The following RPN1 variants were observed in gnomAD, a reference collection of about 807,000 sequenced individuals.
RPN1 encodes ribophorin I.
Under a neutral mutation model 55.5 loss-of-function variants are expected in RPN1, and 12 were observed. The ratio of observed to expected loss-of-function variants is 0.22; its 90% CI spans 0.14 to 0.35. RPN1 has a LOEUF of 0.35. RPN1 is among the 10% of genes least tolerant of loss of function. The pLI, the probability that RPN1 is intolerant of heterozygous loss-of-function variation, is 1.00. For synonymous variants in RPN1, 317 were observed against 305.9 expected (o/e 1.04, Z -0.38); for missense variants, 679 against 761.3 (o/e 0.89, Z 1.27).
chr3:128,627,153 T>C, intron 5 of RPN1: 4 of 332,674 alleles, frequency 1.2e-5, no homozygotes, highest in Non-Finnish European at 1.8e-5. Context: ...CGGGATTCCC[T>C]AGAGAGCACA....
At chr3:128,628,707 C>T (rs908412163) in intron 5 of RPN1, among the ~76,000 whole-genome samples, 6 of 151,204 alleles carry the variant, frequency 4.0e-5, no homozygotes, top group Non-Finnish European at 8.9e-5. Context: ...ACAGGCCTGG[C>T]ACAGTGGCTT....
At chr3:128,645,337 G>A (rs2069758683) in intron 1 of RPN1, among the ~76,000 whole-genome samples, 1 of 152,016 alleles carries the variant, frequency 6.6e-6, no homozygotes, top group Non-Finnish European at 1.5e-5. Flanking sequence ...AGGCATGGTG[G>A]CACATGCCTG....
intron 4 of RPN1, among the ~76,000 whole-genome samples, chr3:128,631,650 A>T (rs1403906039): frequency 1.3e-5 from 2 of 151,960 alleles, no homozygotes; most frequent in African/African-American, 4.8e-5. Flanking sequence ...TCTGAGGCAG[A>T]AGAATCACTT....
In RPN1 at chr3:128,630,062, C is replaced by G; in HGVS notation, c.925G>C (p.Asp309His). Residue 309 changes from aspartate to histidine, a missense_variant, in exon 5 of 10, where the codon GAT becomes CAT. Physicochemically the swap from Asp to His is moderately conservative, Grantham distance 81. Coordinates refer to ENST00000296255, the MANE Select transcript of RPN1 (RefSeq NM_002950.4). ...NVSTSHLLIL[D>H]DSVEMEIRPR... The stretch of plus-strand genomic sequence containing the variant: ...CGGATTTCCATCTCTACAGAGTCAT[C>G]CAAAATAAGGAGGTGGCTGGTAGAA... 6.2e-7 allele frequency: 1 copy of G among 1,613,278 alleles called. No homozygotes were observed. Among genetic ancestry groups the G allele is most frequent in the South Asian group, 1.1e-5 (1 of 91,060 alleles).
intron 5 of RPN1, chr3:128,627,094 A>G: frequency 2.3e-6 from 1 of 440,728 alleles, no homozygotes; most frequent in South Asian, 2.4e-5. Flanking sequence ...GAGAGAAGAA[A>G]CAGGGCAACT....
Position 128,620,432 on chromosome 3 carries a change from G to A in RPN1, c.1803C>T (p.Asp601=), listed in dbSNP as rs2069550589. Residue 601 remains aspartate, a synonymous_variant, in exon 10 of 10, where the codon GAC becomes GAT. Coordinates refer to ENST00000296255, the MANE Select transcript of RPN1 (RefSeq NM_002950.4). The part of the protein sequence containing the change: ...GKRQELVTKI[D]HILDAL ...GGGGCTACAGGGCATCCAGGATGTG[G>A]TCGATCTTGGTGACCAGCTCCTGGC... 2 of 1,613,846 alleles carry A rather than the reference G, an allele frequency of 1.2e-6. No individual in the cohort carries two copies. Among genetic ancestry groups the A allele is most frequent in the African/African-American group, 1.3e-5 (1 of 75,030 alleles).
intron 3 of RPN1, 43 bp downstream of exon 3, chr3:128,637,756 C>G: frequency 6.3e-7 from 1 of 1,581,782 alleles, no homozygotes; most frequent in South Asian, 1.1e-5. Context: ...GCAAGACATT[C>G]TCTGAAGCAG....
chr3:128,629,755 C>T (rs766123854), intron 5 of RPN1, among the ~76,000 whole-genome samples, 196 bp downstream of exon 5: 1 of 152,054 alleles, frequency 6.6e-6, no homozygotes, highest in African/African-American at 2.4e-5. Context: ...ACATACTGTT[C>T]GGATTGACTA....
rs747128020 is a variant in RPN1, at chr3:128,620,474, C to A, written c.1761G>T (p.Lys587Asn). ...LKKDTYIENE[K>N]LISGKRQELV... ...GCTCCTGGCGCTTTCCTGAGATGAG[C>A]TTCTCATTCTCAATGTACGTGTCTT... The change falls in exon 10 of 10, where the codon AAG becomes AAT. Residue 587 changes from lysine (K) to asparagine (N), a missense_variant. By Grantham distance (94) the Lys-to-Asn change is moderately conservative. This residue lies in a region of RPN1 where 306 missense variants were observed against 360.0 expected (regional missense o/e 0.85). Transcript: ENST00000296255. 6.2e-7 allele frequency: 1 copy of A among 1,614,154 alleles called. No homozygotes were observed. The highest frequency in any genetic ancestry group is 8.5e-7 in the Non-Finnish European group (1 of 1,180,006).
intron 6 of RPN1, 106 bp downstream of exon 6, chr3:128,626,627 A>G (rs1039494001): frequency 1.1e-6 from 1 of 946,496 alleles, no homozygotes; most frequent in African/African-American, 1.6e-5. Flanking sequence ...AAATCTAGAG[A>G]AAAGTGACAC....
At chr3:128,626,666 T>C in intron 6 of RPN1, 67 bp downstream of exon 6, 1 of 1,384,168 alleles carries the variant, frequency 7.2e-7, no homozygotes, top group South Asian at 1.2e-5. Context: ...ACATAGGCTC[T>C]CCTTAGGGTA....
At chr3:128,622,079 G>A in intron 9 of RPN1, 85 bp downstream of exon 9, 2 of 1,341,070 alleles carry the variant, frequency 1.5e-6, no homozygotes, top group Middle Eastern at 4.3e-4. Context: ...AGGTAAGCAA[G>A]AGAGCTGCCC....
At chr3:128,637,363 C>T (rs2069688584) in intron 3 of RPN1, among the ~76,000 whole-genome samples, 1 of 152,132 alleles carries the variant, frequency 6.6e-6, no homozygotes, top group Non-Finnish European at 1.5e-5. Flanking sequence ...TGTACTTTGG[C>T]ATGTTTGCGA....
chr3:128,625,735 T>C, intron 7 of RPN1, 82 bp from the exon 8 acceptor site: 1 of 1,595,090 alleles, frequency 6.3e-7, no homozygotes, highest in South Asian at 1.1e-5. Flanking sequence ...CCACTCGACC[T>C]GCTGCCCCAC....
rs1217729563 is a variant in RPN1, at chr3:128,629,835, A to G, written c.1036+116T>C. 4.9e-6 allele frequency: 3 copies of G among 607,144 alleles called. No individual in the cohort carries two copies. The East Asian group carries it at 8.4e-5, about 17-fold the overall frequency. The allele number at this position is 607,144 out of a possible 1,614,324, so 37.6% of individuals were successfully genotyped here. On this transcript the variant is annotated intron_variant, in intron 5 of 9. Transcript: ENST00000296255. ...ATAAAAAGTTGTTCCTGATAAAACC[A>G]GCCTTCCTCAGAATGACAAATGAAC...
At chr3:128,631,673 C>T (rs924651694) in intron 4 of RPN1, among the ~76,000 whole-genome samples, 4 of 152,058 alleles carry the variant, frequency 2.6e-5, no homozygotes, top group Middle Eastern at 3.4e-3. Flanking sequence ...ACCCAGGAGG[C>T]GGAGGCTGCA....
At chr3:128,622,463 G>A in intron 8 of RPN1, 54 bp from the exon 9 acceptor site, 1 of 1,601,294 alleles carries the variant, frequency 6.2e-7, no homozygotes, top group East Asian at 2.2e-5. Context: ...GGTCCACTCT[G>A]ACCTTATCTC....
intron 2 of RPN1, among the ~76,000 whole-genome samples, chr3:128,643,328 C>CAAA (rs112467322): frequency 9.5e-6 from 1 of 105,216 alleles, no homozygotes. Context: ...ACTCCATCTC[C>CAAA]AAAAAAAAAA....
chr3:128,626,873 G>A, intron 5 of RPN1, 41 bp from the exon 6 acceptor site: 4 of 1,562,542 alleles, frequency 2.6e-6, no homozygotes, highest in Non-Finnish European at 3.5e-6. Context: ...GTGGAAAACG[G>A]ATCAAATGGG....
Sources: allele counts gnomAD v4.1 joint callset (sites outside exome capture counted in the v4.1 genomes callset), GRCh38; gene constraint gnomAD v4.1.1; regional missense constraint gnomAD v4.1.1; transcripts MANE v1.5; gene names NCBI Gene and HGNC (gene_info 2026-07-23, HGNC 2026-07-21).